HNRNPUL1: variants seen among roughly 807,000 people sequenced by gnomAD.
The protein encoded by HNRNPUL1 is heterogeneous nuclear ribonucleoprotein U like 1, also known as heterogeneous nuclear ribonucleoprotein U-like protein 1.
In HNRNPUL1, 14 loss-of-function variants were observed where a neutral mutation model predicts 108.5. The observed-to-expected ratio is 0.13, with a 90% CI of 0.09 to 0.20. HNRNPUL1 has a LOEUF of 0.20. Among genes scored for constraint, HNRNPUL1 ranks in the 10% least tolerant of loss-of-function variants. HNRNPUL1 has a pLI of 1.00. For synonymous variants in HNRNPUL1, 422 were observed against 445.2 expected (o/e 0.95, Z 0.66); for missense variants, 804 against 1,168.3 (o/e 0.69, Z 4.55).
chr19:41,299,462 C>T (rs1257924892), intron 10 of HNRNPUL1, among the ~76,000 whole-genome samples: 5 of 152,146 alleles, frequency 3.3e-5, no homozygotes, highest in Non-Finnish European at 5.9e-5. Context: ...CTTGTTTTTT[C>T]CTCAAGCTTC....
chr19:41,279,815 C>T (rs984808107), intron 6 of HNRNPUL1, among the ~76,000 whole-genome samples: 1 of 152,316 alleles, frequency 6.6e-6, no homozygotes, highest in African/African-American at 2.4e-5. Flanking sequence ...CCTTCCTAAA[C>T]CTGTGAGAGA....
At chr19:41,270,172 G>A (rs932313235) in intron 2 of HNRNPUL1, among the ~76,000 whole-genome samples, 8 of 152,038 alleles carry the variant, frequency 5.3e-5, no homozygotes, top group Non-Finnish European at 1.0e-4. Flanking sequence ...CAGTAGTGAC[G>A]GGGTTTTACC....
intron 2 of HNRNPUL1, among the ~76,000 whole-genome samples, chr19:41,270,968 GCT>G (rs2035199473): frequency 6.6e-6 from 1 of 152,110 alleles, no homozygotes; most frequent in Non-Finnish European, 1.5e-5. Context: ...TAGCATACTT[GCT>G]CCCAGGCTAG....
chr19:41,299,316 C>G (rs2037065762), intron 10 of HNRNPUL1, among the ~76,000 whole-genome samples: 2 of 152,146 alleles, frequency 1.3e-5, no homozygotes, highest in Non-Finnish European at 2.9e-5. Flanking sequence ...GTTTCAGGGC[C>G]AGAGGATCTG....
At position 41,281,230 on chromosome 19, in the gene HNRNPUL1, C is replaced by G; in HGVS notation, c.954C>G (p.Asn318Lys). ...AGTCCACCAATAGCCGGTTTGAAAA[C>G]TACGGAGACAAGTTTGCAGAGAACG... ...GKKSTNSRFE[N>K]YGDKFAENDV... The change falls in exon 7 of 15, where the codon AAC becomes AAG. Residue 318 changes from asparagine to lysine, a missense_variant. Physicochemically the swap from Asn to Lys is moderately conservative, Grantham distance 94. Around this residue, in one of 4 missense-constraint regions of HNRNPUL1, gnomAD observed 174 missense variants for 296.6 expected, o/e 0.59. Transcript: ENST00000392006. The G allele has an allele frequency of 6.2e-7, 1 of 1,614,164 alleles. No individual in the cohort carries two copies.
chr19:41,265,475 ATC>A, intron 1 of HNRNPUL1: 1 of 1,197,616 alleles, frequency 8.3e-7, no homozygotes, highest in Non-Finnish European at 1.1e-6. Context: ...GGGCACCCCC[ATC>A]TCTCTTCCGG....
chr19:41,285,628 C>T (rs2036177352), intron 7 of HNRNPUL1, among the ~76,000 whole-genome samples: 1 of 152,080 alleles, frequency 6.6e-6, no homozygotes, highest in South Asian at 2.1e-4. Flanking sequence ...GATGAAAATC[C>T]TTTTTCTAGA....
chr19:41,286,572 A>G (rs2036239208), intron 7 of HNRNPUL1: 1 of 152,102 alleles, frequency 6.6e-6, no homozygotes, highest in Non-Finnish European at 1.5e-5. Flanking sequence ...GGAGGTCACC[A>G]TATCAATGCC....
upstream of HNRNPUL1, among the ~76,000 whole-genome samples, chr19:41,263,878 T>C (rs1427771195): frequency 6.6e-6 from 1 of 152,150 alleles, no homozygotes; most frequent in East Asian, 1.9e-4. Flanking sequence ...TTCCGGTTTC[T>C]TAAAGGCAAC....
chr19:41,266,447 G>A (rs542443334), intron 1 of HNRNPUL1, among the ~76,000 whole-genome samples: 3 of 151,376 alleles, frequency 2.0e-5, no homozygotes, highest in South Asian at 2.1e-4. Flanking sequence ...AAAGAAAAAA[G>A]CAGCTTTCTT....
chr19:41,301,512 C>A, intron 10 of HNRNPUL1, 24 bp from the exon 11 acceptor site: 1 of 1,597,614 alleles, frequency 6.3e-7, no homozygotes, highest in Non-Finnish European at 8.5e-7. Context: ...CCATCTCTTG[C>A]CTCTTCTGTT....
intron 1 of HNRNPUL1, 177 bp downstream of exon 1, chr19:41,264,975 C>T (rs535759270): frequency 1.9e-5 from 25 of 1,350,110 alleles, no homozygotes; most frequent in Non-Finnish European, 2.3e-5. Flanking sequence ...GAGGGTGGAT[C>T]CTGACACTCA....
Position 41,264,557 on chromosome 19 carries a change from C to A in HNRNPUL1, c.54C>A (p.Arg18=). 1 of 1,524,370 alleles carries A rather than the reference C, an allele frequency of 6.6e-7. No homozygotes were observed. The highest frequency in any genetic ancestry group is 8.8e-7 in the Non-Finnish European group (1 of 1,139,366). 94.4% of individuals were successfully genotyped at this position (1,524,370 alleles called of 1,614,324 possible). A position where few individuals can be genotyped will look rare whatever the true frequency, so the allele number is the denominator to read the frequency against. Residue 18 remains arginine (R), a synonymous_variant, in exon 1 of 15, where the codon CGC becomes CGA. Coordinates refer to ENST00000392006, the MANE Select transcript of HNRNPUL1 (RefSeq NM_007040.6). ...VNELREELQR[R]GLDTRGLKAE... The stretch of plus-strand genomic sequence containing the variant: ...AACTTCGCGAGGAGCTGCAGCGCCG[C>A]GGCCTGGACACTCGAGGCCTCAAGG...
intron 5 of HNRNPUL1, among the ~76,000 whole-genome samples, chr19:41,276,965 G>A (rs1206931419): frequency 6.6e-6 from 1 of 152,024 alleles, no homozygotes; most frequent in Non-Finnish European, 1.5e-5. Flanking sequence ...GGGCATGGTG[G>A]CGGGTGCCTG....
intron 1 of HNRNPUL1, among the ~76,000 whole-genome samples, chr19:41,267,642 C>T (rs1315053007): frequency 6.6e-6 from 1 of 152,230 alleles, no homozygotes; most frequent in African/African-American, 2.4e-5. Flanking sequence ...GCAGAATAGT[C>T]TCTCCTTCCC....
chr19:41,297,538 C>T (rs1424985650), intron 10 of HNRNPUL1, among the ~76,000 whole-genome samples: 1 of 152,216 alleles, frequency 6.6e-6, no homozygotes, highest in Non-Finnish European at 1.5e-5. Flanking sequence ...GAGATGCTTT[C>T]TGGCCTTGTC....
intron 10 of HNRNPUL1, among the ~76,000 whole-genome samples, chr19:41,298,197 C>T (rs1032266870): frequency 1.6e-4 from 24 of 152,134 alleles, no homozygotes; most frequent in Non-Finnish European, 2.9e-5. Context: ...TGCTGTGTTC[C>T]CTCCTCCCTC....
At chr19:41,270,376 C>T (rs2035150985) in intron 2 of HNRNPUL1, among the ~76,000 whole-genome samples, 1 of 152,036 alleles carries the variant, frequency 6.6e-6, no homozygotes, top group African/African-American at 2.4e-5. Context: ...GCATTCCAGC[C>T]TGGGCAACAG....
chr19:41,296,008 A>G (rs992952049), intron 10 of HNRNPUL1, among the ~76,000 whole-genome samples: 2 of 152,214 alleles, frequency 1.3e-5, no homozygotes, highest in Admixed American at 6.5e-5. Flanking sequence ...GGGGCATTCA[A>G]GAATTTTTTT....
Sources: gnomAD v4.1 joint callset for allele counts (sites outside exome capture counted in the v4.1 genomes callset) on GRCh38, gnomAD v4.1.1 for gene constraint, gnomAD v4.1.1 regional missense constraint, MANE v1.5 for transcripts, NCBI Gene and HGNC (gene_info 2026-07-23, HGNC 2026-07-21) for gene names.